The following PRELID2 variants were observed in gnomAD, a reference collection of about 807,000 sequenced individuals.
PRELID2 encodes the protein PRELI domain containing 2, also known as PRELI domain-containing protein 2.
A neutral mutation model predicts 28.4 loss-of-function variants in PRELID2; 25 were observed. That is an observed-to-expected ratio of 0.88 (90% CI 0.64 to 1.23). The LOEUF (loss-of-function observed/expected upper bound fraction) is 1.23, where lower values mean the gene tolerates loss of function less well. PRELID2 is among the 50% of genes most tolerant of loss of function. The pLI, the probability that PRELID2 is intolerant of heterozygous loss-of-function variation, is 0.00. For synonymous variants in PRELID2, 76 were observed against 71.6 expected (o/e 1.06, Z -0.31); for missense variants, 201 against 214.4 (o/e 0.94, Z 0.39).
chr5:145,270,483 C>T, the PRELID2 span, among the ~76,000 whole-genome samples: 1 of 152,048 alleles, frequency 6.6e-6, no homozygotes, highest in African/African-American at 2.4e-5. Context: ...TAAAAGAGTG[C>T]ATAGTGTGTA....
At chr5:145,415,223 A>G in the PRELID2 span, among the ~76,000 whole-genome samples, 1 of 151,874 alleles carries the variant, frequency 6.6e-6, no homozygotes, top group Non-Finnish European at 1.5e-5. Context: ...GTGTTCCTGA[A>G]TGACTCTTTT....
At chr5:145,572,502 T>C (rs567766357) in intron 1 of PRELID2, among the ~76,000 whole-genome samples, 1 of 152,360 alleles carries the variant, frequency 6.6e-6, no homozygotes, top group East Asian at 1.9e-4. Context: ...ATGTACAGCA[T>C]CTGTGTGCTA....
chr5:145,356,424 A>T, the PRELID2 span, among the ~76,000 whole-genome samples: 1 of 152,054 alleles, frequency 6.6e-6, no homozygotes, highest in Non-Finnish European at 1.5e-5. Flanking sequence ...TAGGTCTCTA[A>T]GAATTTGCTT....
Position 145,764,965 on chromosome 5 carries a change from C to T in PRELID2, c.510G>A (p.Gln170=). 8 of 1,612,080 alleles carry T rather than the reference C, an allele frequency of 5.0e-6. No individual in the cohort carries two copies. Among genetic ancestry groups the T allele is most frequent in the Non-Finnish European group, 6.8e-6 (8 of 1,179,130 alleles). Residue 170 remains glutamine (Q), a synonymous_variant, in exon 6 of 7, where the codon CAG becomes CAA. Transcript: ENST00000683046. ...IRIMEMLLKE[Q]CGAPLAE is the part of the protein sequence containing the mutation. ...TTTATTCAGCTAAGGGGGCACCACA[C>T]TGTTCCTTTAGCAGCATCTCCATGA...
the PRELID2 span, among the ~76,000 whole-genome samples, chr5:145,449,385 G>A: frequency 3.0e-3 from 451 of 152,168 alleles, 1 homozygote; most frequent in Admixed American, 7.1e-3. Flanking sequence ...TTTTCCTGGA[G>A]TTTAGCTGTC....
chr5:145,369,937 A>G, the PRELID2 span, among the ~76,000 whole-genome samples: 1 of 149,084 alleles, frequency 6.7e-6, no homozygotes, highest in Admixed American at 6.7e-5. Flanking sequence ...ATCTGTTCAT[A>G]TACTTTGCCC....
intron 1 of PRELID2, among the ~76,000 whole-genome samples, chr5:145,631,327 T>G (rs1017292845): frequency 6.6e-6 from 1 of 152,194 alleles, no homozygotes; most frequent in Non-Finnish European, 1.5e-5. Context: ...CAAGAAACAG[T>G]GTGGCTGTGT....
chr5:145,367,932 C>T, the PRELID2 span, among the ~76,000 whole-genome samples: 1 of 151,808 alleles, frequency 6.6e-6, no homozygotes, highest in Admixed American at 6.6e-5. Context: ...AAGTTTTCAA[C>T]TTCTTTGGGT....
At chr5:145,623,790 T>C (rs1753806794) in intron 1 of PRELID2, among the ~76,000 whole-genome samples, 1 of 152,206 alleles carries the variant, frequency 6.6e-6, no homozygotes, top group South Asian at 2.1e-4. Flanking sequence ...ACCAAATGCA[T>C]ACAGCTTTTC....
intron 1 of PRELID2, among the ~76,000 whole-genome samples, chr5:145,655,322 G>C (rs1380390590): frequency 1.3e-5 from 2 of 152,112 alleles, no homozygotes; most frequent in Non-Finnish European, 2.9e-5. Context: ...TGGCCGTACT[G>C]CCCAAGGTAA....
chr5:145,329,741 C>T, the PRELID2 span, among the ~76,000 whole-genome samples: 1 of 152,124 alleles, frequency 6.6e-6, no homozygotes, highest in Non-Finnish European at 1.5e-5. Context: ...GACAACTTGG[C>T]TTCTCTCTCC....
chr5:145,594,432 C>G (rs945813911), intron 1 of PRELID2, among the ~76,000 whole-genome samples: 1 of 152,030 alleles, frequency 6.6e-6, no homozygotes, highest in Non-Finnish European at 1.5e-5. Flanking sequence ...ATGTGGCTTA[C>G]ATCTTATTGT....
chr5:145,317,821 CTCA>C, the PRELID2 span, among the ~76,000 whole-genome samples: 1 of 152,150 alleles, frequency 6.6e-6, no homozygotes, highest in African/African-American at 2.4e-5. Flanking sequence ...CCTGCTGGTG[CTCA>C]TCTTTAGGTA....
the PRELID2 span, among the ~76,000 whole-genome samples, chr5:145,311,380 T>C: frequency 3.3e-5 from 5 of 152,302 alleles, no homozygotes; most frequent in African/African-American, 1.2e-4. Context: ...GTTGCTCTGC[T>C]GTCACCATCT....
chr5:145,320,758 A>C, the PRELID2 span, among the ~76,000 whole-genome samples: 369 of 152,310 alleles, frequency 2.4e-3, 1 homozygote, highest in African/African-American at 8.3e-3. Flanking sequence ...GACTGAAAAA[A>C]ATATGTGCTG....
At chr5:145,552,358 C>T (rs1752842889) in intron 1 of PRELID2, among the ~76,000 whole-genome samples, 1 of 152,134 alleles carries the variant, frequency 6.6e-6, no homozygotes, top group South Asian at 2.1e-4. Flanking sequence ...TGCTGCCACA[C>T]AAGACTTTGG....
the PRELID2 span, among the ~76,000 whole-genome samples, chr5:145,423,164 T>C: frequency 1.3e-5 from 2 of 152,022 alleles, no homozygotes; most frequent in Non-Finnish European, 2.9e-5. Context: ...TGGCTGCCCT[T>C]AACATTTTTT....
intron 1 of PRELID2, among the ~76,000 whole-genome samples, chr5:145,707,869 G>A (rs1245420868): frequency 1.3e-5 from 2 of 152,086 alleles, no homozygotes; most frequent in East Asian, 1.9e-4. Context: ...CCACAGACAA[G>A]AAGGAGAGAG....
At chr5:145,246,433 T>TA in the PRELID2 span, among the ~76,000 whole-genome samples, 2 of 151,940 alleles carry the variant, frequency 1.3e-5, no homozygotes, top group South Asian at 2.1e-4. Flanking sequence ...GTTGTACAAA[T>TA]AAAAAAATGT....
Sources: gnomAD v4.1 joint callset for allele counts (sites outside exome capture counted in the v4.1 genomes callset) on GRCh38, gnomAD v4.1.1 for gene constraint, MANE v1.5 for transcripts, NCBI Gene and HGNC (gene_info 2026-07-23, HGNC 2026-07-21) for gene names.